SERINC2: variants seen among roughly 807,000 people sequenced by gnomAD.
SERINC2 encodes the protein tumor differentially expressed protein 2.
A neutral mutation model predicts 54.2 loss-of-function variants in SERINC2; 56 were observed. The ratio of observed to expected loss-of-function variants is 1.03; its 90% CI spans 0.83 to 1.29. The LOEUF is 1.29. Ranked by LOEUF, SERINC2 falls within the 50% of genes most tolerant of loss-of-function variation. The pLI, the probability that SERINC2 is intolerant of heterozygous loss-of-function variation, is 0.00. For missense variants in SERINC2, 614 were observed against 607.4 expected, an observed-to-expected ratio of 1.01 and a Z score of -0.12; for synonymous variants, 272 against 253.1, an observed-to-expected ratio of 1.07 and a Z score of -0.71.
At chr1:31,418,806 T>C (rs1553132501) in intron 1 of SERINC2, among the ~76,000 whole-genome samples, 1 of 152,192 alleles carries the variant, frequency 6.6e-6, no homozygotes, top group African/African-American at 2.4e-5. Flanking sequence ...TGTGAATGAC[T>C]CAGTGACAGC....
chr1:31,413,321 GCGCC>G lies in SERINC2; in HGVS notation c.39+25_39+28del. ...CTCAGCTGCGTGAGTCCCGACCCCG[GCGCC>G]CGCCCGCGCGCGCCGCCCGTTCCTG... On this transcript the variant is annotated intron_variant, in intron 1 of 9. Transcript: ENST00000373709. This position sits in a 1 kb window ranked among gnomAD's most constrained non-coding sequence, Gnocchi z 5.0. 1 of 1,242,002 alleles carries G rather than the reference GCGCC, an allele frequency of 8.1e-7. No homozygotes were observed. Among genetic ancestry groups the G allele is most frequent in the Non-Finnish European group, 1.0e-6 (1 of 988,796 alleles). The allele number at this position is 1,242,002 out of a possible 1,614,324, so 76.9% of individuals were successfully genotyped here.
intron 9 of SERINC2, 92 bp from the exon 10 acceptor site, chr1:31,433,972 G>A: frequency 7.5e-7 from 1 of 1,342,220 alleles, no homozygotes; most frequent in Non-Finnish European, 1.0e-6. Context: ...CAGAGTTGAA[G>A]TCAGGGGTCA....
chr1:31,410,340 T>TC (rs1553131318), upstream of SERINC2: 1 of 1,547,862 alleles, frequency 6.5e-7, no homozygotes, highest in Non-Finnish European at 8.7e-7. Flanking sequence ...TCCTCAGTAG[T>TC]CCCCTCAGAT....
chr1:31,410,645 C>T (rs1640632155), upstream of SERINC2, among the ~76,000 whole-genome samples: 2 of 152,250 alleles, frequency 1.3e-5, no homozygotes, highest in Admixed American at 6.5e-5. Flanking sequence ...TGCAGATGCT[C>T]ACACATGCTC....
chr1:31,414,245 C>G, intron 1 of SERINC2: 1 of 1,343,568 alleles, frequency 7.4e-7, no homozygotes, highest in East Asian at 3.1e-5. Context: ...GCTGGGAGGC[C>G]CGTTCTCCCT....
rs1553133748 is a variant in SERINC2, at chr1:31,426,815, A to G, written c.772A>G (p.Lys258Glu). ...VCVSIAAVLP[K>E]VQDAQPNSGL... ...CGTGTCCATCGCTGCTGTCCTGCCC[A>G]AGGTCCAGGTGAGCCTGCCTGACCC... The change falls in exon 6 of 10, where the codon AAG becomes GAG. Residue 258 changes from lysine (K) to glutamate (E), a missense_variant. Physicochemically the swap from Lys to Glu is moderately conservative, Grantham distance 56 (BLOSUM62 1). Transcript: ENST00000373709. 1 of 1,613,512 alleles carries G rather than the reference A, an allele frequency of 6.2e-7. No individual in the cohort carries two copies. The highest frequency in any genetic ancestry group is 8.5e-7 in the Non-Finnish European group (1 of 1,179,688).
chr1:31,422,955 C>T (rs921813795), intron 1 of SERINC2, among the ~76,000 whole-genome samples: 2 of 152,222 alleles, frequency 1.3e-5, no homozygotes, highest in Non-Finnish European at 2.9e-5. Context: ...AGCCGAAAAT[C>T]ATTCCGTTTA....
chr1:31,431,104 C>T (rs1570062156), intron 8 of SERINC2, among the ~76,000 whole-genome samples: 2 of 151,690 alleles, frequency 1.3e-5, no homozygotes, highest in Admixed American at 1.3e-4. Context: ...TCTCCCCTCC[C>T]CTCCCTTCCC....
At chr1:31,418,287 T>G (rs1387839112) in intron 1 of SERINC2, among the ~76,000 whole-genome samples, 2 of 152,262 alleles carry the variant, frequency 1.3e-5, no homozygotes, top group Non-Finnish European at 2.9e-5. Flanking sequence ...TGTGAATAAT[T>G]CTGCTATGAA....
chr1:31,413,373 G>C lies in SERINC2; in HGVS notation c.39+69G>C. On this transcript the variant is annotated intron_variant, in intron 1 of 9. Transcript: ENST00000373709. This position sits in a 1 kb window ranked among gnomAD's most constrained non-coding sequence, Gnocchi z 5.0. ...CTGCTGCGGGCCCTCACTTTCTTCTGTTCTGCTCCGAGTAGTTTCTTCTTT... is the reference window on the plus strand; with the variant it reads ...CTGCTGCGGGCCCTCACTTTCTTCTCTTCTGCTCCGAGTAGTTTCTTCTTT... 1.2e-6 allele frequency: 1 copy of C among 867,668 alleles called. No individual in the cohort carries two copies. The highest frequency in any genetic ancestry group is 1.5e-6 in the Non-Finnish European group (1 of 654,450). The allele number at this position is 867,668 out of a possible 1,614,324, so 53.7% of individuals were successfully genotyped here.
At chr1:31,433,604 G>T (rs1211884327) in intron 9 of SERINC2, among the ~76,000 whole-genome samples, 1 of 152,152 alleles carries the variant, frequency 6.6e-6, no homozygotes, top group African/African-American at 2.4e-5. Flanking sequence ...TCACAAATTT[G>T]GTCATTTGGT....
At chr1:31,430,499 A>G (rs530252434) in intron 8 of SERINC2, among the ~76,000 whole-genome samples, 1 of 137,822 alleles carries the variant, frequency 7.3e-6, no homozygotes, top group Non-Finnish European at 1.6e-5. Flanking sequence ...TGGTGTCTCT[A>G]AAAAAAAAAA....
chr1:31,432,156 C>T (rs79956244), intron 8 of SERINC2, among the ~76,000 whole-genome samples: 892 of 4,382 alleles, frequency 0.2, 98 homozygotes, highest in Admixed American at 0.26. Flanking sequence ...ACAGGGTGGA[C>T]AGGGTGGATA....
intron 1 of SERINC2, chr1:31,414,434 T>TGTGTGTGTGTGTGTGTGG: frequency 1.1e-6 from 1 of 915,476 alleles, no homozygotes; most frequent in South Asian, 5.1e-5. Flanking sequence ...TGTGTGTGTG[T>TGTGTGTGTGTGTGTGTGG]GTGTGTGTGT....
At chr1:31,425,731 G>A (rs1367223175) in intron 4 of SERINC2, 45 bp from the exon 5 acceptor site, 1 of 1,600,580 alleles carries the variant, frequency 6.2e-7, no homozygotes, top group Non-Finnish European at 8.5e-7. Context: ...ACGAGTAGAT[G>A]TGAGAGAGGG....
intron 8 of SERINC2, among the ~76,000 whole-genome samples, chr1:31,432,183 T>TAGGGTGGACAGGGTGGAC (rs1641309643): frequency 6.5e-5 from 4 of 61,590 alleles, no homozygotes; most frequent in African/African-American, 1.4e-4. Context: ...ATAGGGTGGA[T>TAGGGTGGACAGGGTGGAC]AGGGTGGTTA....
Position 31,421,887 on chromosome 1 carries a change from C to T in SERINC2, c.40-1806C>T, listed in dbSNP as rs535828843. Among the ~76,000 whole-genome samples the T allele has an allele frequency of 8.5e-5, 13 of 152,374 alleles. No homozygotes were observed. In the South Asian group the frequency reaches 2.3e-3, roughly 27 times the overall value. On this transcript the variant is annotated intron_variant, in intron 1 of 9. Transcript: ENST00000373709. ...GCCACGAGGGCCTTCTTAAATTCCT[C>T]AAATGCCCAGCCCCTACCCACCCCA... is the stretch of plus-strand genomic sequence containing the variant.
At chr1:31,432,053 TGGACAGGGTGGAC>T (rs1641270025) in intron 8 of SERINC2, among the ~76,000 whole-genome samples, 5 of 131,082 alleles carry the variant, frequency 3.8e-5, no homozygotes, top group African/African-American at 6.3e-5. Context: ...GTGGACAGGG[TGGACAGGGTGGAC>T]AGGGTGGACA....
rs797044176 is a variant in SERINC2, at chr1:31,429,509, C to G, written c.984C>G (p.Ile328Met). 1.2e-6 allele frequency: 2 copies of G among 1,612,964 alleles called. No individual in the cohort carries two copies. Among genetic ancestry groups the G allele is most frequent in the South Asian group, 1.1e-5 (1 of 90,860 alleles). Residue 328 changes from isoleucine to methionine, a missense_variant, in exon 8 of 10, where the codon ATC becomes ATG. Transcript: ENST00000373709. ...WWDAPSIVGL[I>M]IFLLCTLFIS... Reference sequence around the variant, plus strand: ...ATGCCCCGAGCATTGTGGGCCTCATCATCTTCCTCCTGTGCACCCTCTTCA... The same window carrying G: ...ATGCCCCGAGCATTGTGGGCCTCATGATCTTCCTCCTGTGCACCCTCTTCA...
Sources: allele counts gnomAD v4.1 joint callset (sites outside exome capture counted in the v4.1 genomes callset), GRCh38; gene constraint gnomAD v4.1.1; non-coding constraint Gnocchi (gnomAD v3.1); transcripts MANE v1.5; gene names NCBI Gene and HGNC (gene_info 2026-07-23, HGNC 2026-07-21).